Variants in SLC2A9 observed in about 807,000 individuals in gnomAD.
SLC2A9 encodes solute carrier family 2 member 9.
A neutral mutation model predicts 50.6 loss-of-function variants in SLC2A9; 39 were observed. The observed-to-expected ratio is 0.77, with a 90% CI of 0.60 to 1.01. The LOEUF is 1.01. Ranked by LOEUF, SLC2A9 falls within the 50% of genes least tolerant of loss-of-function variation. The probability of loss-of-function intolerance (pLI) is 0.00; values close to 1 mark genes in which losing one functional copy is unlikely to be tolerated. For synonymous variants in SLC2A9, 324 were observed against 276.9 expected, an observed-to-expected ratio of 1.17 and a Z score of -1.69; for missense variants, 686 against 677.6, an observed-to-expected ratio of 1.01 and a Z score of -0.14.
Position 9,834,961 on chromosome 4 carries a change from G to C in SLC2A9, c.1339C>G (p.Arg447Gly). ...CCTGCAATGATGAAGGCAGCCGGCC[G>C]CTGAGATTGCTGGAAGAACTCACCA... ...LTGEFFQQSQ[R>G]PAAFIIAGTV... The change falls in exon 11 of 12, where the codon CGG becomes GGG. Residue 447 changes from arginine (R) to glycine (G), a missense_variant. By Grantham distance (125) the Arg-to-Gly change is moderately radical. Transcript: ENST00000264784. 6.2e-7 allele frequency: 1 copy of C among 1,613,970 alleles called. No individual in the cohort carries two copies. The highest frequency in any genetic ancestry group is 8.5e-7 in the Non-Finnish European group (1 of 1,179,998).
intron 4 of SLC2A9, among the ~76,000 whole-genome samples, chr4:9,982,542 A>G (rs904120335): frequency 6.6e-6 from 1 of 152,236 alleles, no homozygotes; most frequent in African/African-American, 2.4e-5. Context: ...GAGATCAATT[A>G]GTTATATGTT....
rs538688018 is a variant in SLC2A9, at chr4:10,036,857, A to G, written c.-41+3273T>C. Among the ~76,000 whole-genome samples, 205 of 152,332 alleles carry G rather than the reference A, an allele frequency of 1.3e-3. 1 individual carries two copies. Among genetic ancestry groups the G allele is most frequent in the Middle Eastern group, 3.4e-3 (1 of 294 alleles). Reference sequence around the variant, plus strand: ...GATGCGTATTGATCTTTCATGTTCCAAAAAGGATTCTAGTCCGGGATTTCC... The same window carrying G: ...GATGCGTATTGATCTTTCATGTTCCGAAAAGGATTCTAGTCCGGGATTTCC... On this transcript the variant is annotated intron_variant, in intron 1 of 12. Coordinates refer to the SLC2A9 transcript ENST00000309065.
At chr4:10,018,938 C>T in intron 2 of SLC2A9, 37 bp downstream of exon 2, 1 of 1,543,440 alleles carries the variant, frequency 6.5e-7, no homozygotes. Context: ...TTCCGCAGGG[C>T]CGCAGCGCCC....
exon 2 of SLC2A9, chr4:9,771,350 G>A: frequency 2.5e-6 from 1 of 393,940 alleles, no homozygotes; most frequent in Non-Finnish European, 4.5e-6. Flanking sequence ...CTGCAGGTCT[G>A]CCTTCTTGAC....
intron 10 of SLC2A9, among the ~76,000 whole-genome samples, chr4:9,866,339 C>G (rs1291899276): frequency 6.6e-6 from 1 of 152,070 alleles, no homozygotes; most frequent in African/African-American, 2.4e-5. Flanking sequence ...CACACAACAG[C>G]CCATGTGATC....
Position 9,980,706 on chromosome 4 carries a change from A to T in SLC2A9, c.567T>A (p.Leu189=), listed in dbSNP as rs13125646. 2.8e-5 allele frequency: 45 copies of T among 1,613,886 alleles called. No individual in the cohort carries two copies. The highest frequency in any genetic ancestry group is 3.3e-5 in the Non-Finnish European group (39 of 1,180,002). Residue 189 remains leucine, a synonymous_variant, in exon 5 of 12, where the codon CTT becomes CTA. Transcript: ENST00000264784. ...GVALSVLPMY[L]SEISPKEIRG... ...GGATCTCCTTGGGTGAGATCTCACTAAGGTACATGGGGAGCACACTGAGGG... is the reference window on the plus strand; with the variant it reads ...GGATCTCCTTGGGTGAGATCTCACTTAGGTACATGGGGAGCACACTGAGGG...
At chr4:9,811,522 G>T (rs575321110) in intron 3 of SLC2A9, among the ~76,000 whole-genome samples, 1 of 152,260 alleles carries the variant, frequency 6.6e-6, no homozygotes, top group African/African-American at 2.4e-5. Context: ...AAGAGGGAGA[G>T]ACATCCCAGC....
intron 11 of SLC2A9, among the ~76,000 whole-genome samples, chr4:9,830,341 C>T (rs1469332724): frequency 6.6e-6 from 1 of 152,104 alleles, no homozygotes; most frequent in Admixed American, 6.5e-5. Flanking sequence ...TTGAGGGGAA[C>T]AATACTGGGG....
intron 5 of SLC2A9, among the ~76,000 whole-genome samples, chr4:9,974,796 A>C (rs900885203): frequency 1.3e-5 from 2 of 152,208 alleles, no homozygotes; most frequent in Non-Finnish European, 2.9e-5. Context: ...AAATAGCCCA[A>C]GCCATCCTAA....
At chr4:9,947,866 C>A (rs1749480724) in intron 5 of SLC2A9, among the ~76,000 whole-genome samples, 1 of 152,194 alleles carries the variant, frequency 6.6e-6, no homozygotes, top group Non-Finnish European at 1.5e-5. Context: ...CTGGTGCAGG[C>A]TGTCCCCTCC....
chr4:9,927,992 G>C (rs1366448538), intron 6 of SLC2A9, among the ~76,000 whole-genome samples: 1 of 152,190 alleles, frequency 6.6e-6, no homozygotes, highest in Non-Finnish European at 1.5e-5. Flanking sequence ...CAAAAGCTGA[G>C]CATAGTAGTA....
intron 10 of SLC2A9, among the ~76,000 whole-genome samples, chr4:9,856,305 G>A (rs568653298): frequency 6.6e-6 from 1 of 152,032 alleles, no homozygotes; most frequent in Admixed American, 6.6e-5. Context: ...ATGGGCAAAG[G>A]ACATGAACAG....
intron 3 of SLC2A9, among the ~76,000 whole-genome samples, chr4:9,815,830 C>T (rs1035174644): frequency 6.6e-6 from 1 of 152,078 alleles, no homozygotes; most frequent in Admixed American, 6.6e-5. Context: ...TGGGTTAGGA[C>T]AGTGTTTGAA....
At chr4:9,931,985 T>TATATATATATATATATATATATAC (rs1553879027) in intron 6 of SLC2A9, among the ~76,000 whole-genome samples, 4 of 95,684 alleles carry the variant, frequency 4.2e-5, no homozygotes, top group East Asian at 2.5e-4. Context: ...TATATATATA[T>TATATATATATATATATATATATAC]ATATATATAT....
intron 6 of SLC2A9, 47 bp downstream of exon 6, chr4:9,941,866 G>T (rs762664320): frequency 1.2e-6 from 2 of 1,612,300 alleles, no homozygotes; most frequent in South Asian, 1.1e-5. Flanking sequence ...TTGCAGTGAT[G>T]ATCTATGCAG....
At chr4:9,795,711 G>A (rs1188502601), downstream of SLC2A9, among the ~76,000 whole-genome samples, 1 of 152,186 alleles carries the variant, frequency 6.6e-6, no homozygotes, top group Admixed American at 6.5e-5. Context: ...CAACAGGAAA[G>A]GATGCACTAC....
At chr4:9,901,997 C>T (rs1739720097) in intron 8 of SLC2A9, among the ~76,000 whole-genome samples, 2 of 152,218 alleles carry the variant, frequency 1.3e-5, no homozygotes, top group African/African-American at 4.8e-5. Context: ...ACCCACCCTA[C>T]ATGCCCTCGG....
chr4:9,858,419 G>C (rs1731085567), intron 10 of SLC2A9, among the ~76,000 whole-genome samples: 1 of 152,226 alleles, frequency 6.6e-6, no homozygotes, highest in Non-Finnish European at 1.5e-5. Context: ...ATGGTGGAAA[G>C]GGGTGGCATT....
At chr4:9,901,719 CCCCTG>C (rs1739664178) in intron 8 of SLC2A9, among the ~76,000 whole-genome samples, 1 of 152,164 alleles carries the variant, frequency 6.6e-6, no homozygotes, top group South Asian at 2.1e-4. Context: ...CACATCCTTG[CCCCTG>C]CCTTGGGCTG....
Sources: gnomAD v4.1 joint callset for allele counts (sites outside exome capture counted in the v4.1 genomes callset) on GRCh38, gnomAD v4.1.1 for gene constraint, MANE v1.5 for transcripts, NCBI Gene and HGNC (gene_info 2026-07-23, HGNC 2026-07-21) for gene names.